PRKN: variants seen among roughly 807,000 people sequenced by gnomAD.
PRKN encodes E3 ubiquitin-protein ligase parkin.
A neutral mutation model predicts 59.5 loss-of-function variants in PRKN; 56 were observed. The ratio of observed to expected loss-of-function variants is 0.94; its 90% confidence interval spans 0.76 to 1.18. The LOEUF (loss-of-function observed/expected upper bound fraction) is 1.18. Ranked by LOEUF, PRKN falls within the 50% of genes most tolerant of loss-of-function variation. PRKN has a pLI of 0.00. For missense variants in PRKN, 657 were observed against 596.4 expected, an observed-to-expected ratio of 1.10 and a Z score of -1.06; for synonymous variants, 250 against 222.1, an observed-to-expected ratio of 1.13 and a Z score of -1.12.
chr6:162,238,963 G>C (rs758040379), intron 3 of PRKN, among the ~76,000 whole-genome samples: 1 of 152,196 alleles, frequency 6.6e-6, no homozygotes, highest in Non-Finnish European at 1.5e-5. Context: ...TGATACTGGA[G>C]ACCACCATGA....
At chr6:162,385,647 C>G (rs1786762268) in intron 2 of PRKN, among the ~76,000 whole-genome samples, 1 of 152,030 alleles carries the variant, frequency 6.6e-6, no homozygotes, top group African/African-American at 2.4e-5. Context: ...TGACCACAGG[C>G]AGAGGCCTTC....
At chr6:161,822,515 A>G (rs1415590743) in intron 6 of PRKN, among the ~76,000 whole-genome samples, 1 of 152,214 alleles carries the variant, frequency 6.6e-6, no homozygotes. Flanking sequence ...GTCTCAACTA[A>G]AAATACAAAA....
intron 9 of PRKN, among the ~76,000 whole-genome samples, chr6:161,489,897 A>G (rs1777484888): frequency 6.6e-6 from 1 of 152,162 alleles, no homozygotes; most frequent in South Asian, 2.1e-4. Flanking sequence ...TGCTAACACC[A>G]ACTTCTGGAT....
chr6:162,707,392 G>C (rs539012995), intron 1 of PRKN, among the ~76,000 whole-genome samples: 3 of 152,218 alleles, frequency 2.0e-5, no homozygotes, highest in South Asian at 4.2e-4. Flanking sequence ...TCTCAGAACA[G>C]AGTAATACAA....
intron 6 of PRKN, among the ~76,000 whole-genome samples, chr6:161,800,049 C>T (rs1174752338): frequency 6.6e-6 from 1 of 151,988 alleles, no homozygotes; most frequent in Non-Finnish European, 1.5e-5. Context: ...TGGACAATGG[C>T]AAGTCAGGAC....
At chr6:162,205,455 T>C (rs1026635810) in intron 3 of PRKN, among the ~76,000 whole-genome samples, 3 of 151,946 alleles carry the variant, frequency 2.0e-5, no homozygotes, top group African/African-American at 7.3e-5. Flanking sequence ...AAACTTTTCA[T>C]TAACCTGAGA....
chr6:161,701,994 T>G (rs1438026188), intron 7 of PRKN, among the ~76,000 whole-genome samples: 1 of 152,246 alleles, frequency 6.6e-6, no homozygotes, highest in Non-Finnish European at 1.5e-5. Flanking sequence ...ATGATGCTAC[T>G]GCACTTTTAC....
intron 1 of PRKN, among the ~76,000 whole-genome samples, chr6:162,590,359 C>G (rs1406470281): frequency 6.6e-6 from 1 of 152,114 alleles, no homozygotes; most frequent in African/African-American, 2.4e-5. Context: ...TAAATACCTG[C>G]TGATAAACAT....
intron 7 of PRKN, among the ~76,000 whole-genome samples, chr6:161,678,395 G>A (rs375969719): frequency 5.3e-5 from 8 of 151,560 alleles, no homozygotes; most frequent in African/African-American, 1.9e-4. Flanking sequence ...TATTAACAAA[G>A]TGGATGTAAA....
At chr6:161,404,955 G>C (rs1418596036) in intron 9 of PRKN, among the ~76,000 whole-genome samples, 1 of 152,176 alleles carries the variant, frequency 6.6e-6, no homozygotes, top group Non-Finnish European at 1.5e-5. Flanking sequence ...TTTCTGTAAA[G>C]TCATAAAAAG....
chr6:162,197,576 T>C (rs1032792216), intron 4 of PRKN, among the ~76,000 whole-genome samples: 8 of 152,206 alleles, frequency 5.3e-5, no homozygotes, highest in Admixed American at 1.3e-4. Flanking sequence ...GCCAGGGCTA[T>C]GGAAAAATAC....
chr6:161,531,109 C>T (rs1015613958), intron 9 of PRKN, among the ~76,000 whole-genome samples: 7 of 152,002 alleles, frequency 4.6e-5, no homozygotes, highest in Non-Finnish European at 7.4e-5. Flanking sequence ...AGGCCGGGCG[C>T]GGTGGCTCAC....
At chr6:161,819,125 AG>A (rs1292286708) in intron 6 of PRKN, among the ~76,000 whole-genome samples, 1 of 152,218 alleles carries the variant, frequency 6.6e-6, no homozygotes, top group African/African-American at 2.4e-5. Context: ...CATTTCTCAT[AG>A]AGTCCTTGAC....
At chr6:162,604,754 A>G (rs2128217693) in intron 1 of PRKN, among the ~76,000 whole-genome samples, 1 of 151,022 alleles carries the variant, frequency 6.6e-6, no homozygotes, top group East Asian at 2.0e-4. Context: ...CTGACAGTAA[A>G]ACCCCAGGAC....
intron 1 of PRKN, among the ~76,000 whole-genome samples, chr6:162,645,454 A>G (rs1454583876): frequency 6.6e-6 from 1 of 152,178 alleles, no homozygotes; most frequent in Non-Finnish European, 1.5e-5. Flanking sequence ...AAGAGCTACA[A>G]TAAAAGAGGT....
chr6:162,101,996 T>C (rs75128179), intron 4 of PRKN, among the ~76,000 whole-genome samples: 3,886 of 152,346 alleles, frequency 0.026, 77 homozygotes, highest in Middle Eastern at 0.061. Flanking sequence ...GTCTCAATTA[T>C]GTTCTTTCTT....
intron 1 of PRKN, among the ~76,000 whole-genome samples, chr6:162,639,933 C>T (rs1777897007): frequency 6.6e-6 from 1 of 152,072 alleles, no homozygotes; most frequent in Non-Finnish European, 1.5e-5. Flanking sequence ...TCAGAGGTCT[C>T]AGATTTGATT....
At chr6:162,262,914 G>T in intron 2 of PRKN, 149 bp from the exon 3 acceptor site, 1 of 943,258 alleles carries the variant, frequency 1.1e-6, no homozygotes, top group Non-Finnish European at 1.6e-6. Flanking sequence ...GCCCACAGCA[G>T]TTACACACTA....
At chr6:162,085,192 G>C (rs901072302) in intron 4 of PRKN, among the ~76,000 whole-genome samples, 1 of 149,684 alleles carries the variant, frequency 6.7e-6, no homozygotes, top group African/African-American at 2.5e-5. Context: ...CCTGCACAAA[G>C]AAATGGATGT....
Sources: gnomAD v4.1 joint callset for allele counts (sites outside exome capture counted in the v4.1 genomes callset) on GRCh38, gnomAD v4.1.1 for gene constraint, MANE v1.5 for transcripts, NCBI Gene and HGNC (gene_info 2026-07-23, HGNC 2026-07-21) for gene names.